The following RIMS1 variants were observed in gnomAD, a reference collection of about 807,000 sequenced individuals.
RIMS1 encodes regulating synaptic membrane exocytosis protein 1.
A neutral mutation model predicts 214.1 loss-of-function variants in RIMS1; 83 were observed. The observed-to-expected ratio is 0.39, with a 90% CI of 0.32 to 0.47. The LOEUF (loss-of-function observed/expected upper bound fraction) is 0.47, where lower values mean the gene tolerates loss of function less well. RIMS1 is among the 20% of genes least tolerant of loss of function. The pLI, the probability that RIMS1 is intolerant of heterozygous loss-of-function variation, is 0.99. For synonymous variants in RIMS1, 793 were observed against 786.8 expected, an observed-to-expected ratio of 1.01 and a Z score of -0.13; for missense variants, 2,050 against 2,161.8, an observed-to-expected ratio of 0.95 and a Z score of 1.03.
chr6:72,205,713 CAA>C (rs1331851016), intron 6 of RIMS1, among the ~76,000 whole-genome samples: 2 of 152,206 alleles, frequency 1.3e-5, no homozygotes, highest in East Asian at 1.9e-4. Flanking sequence ...GATTGCATCA[CAA>C]AGAGTATCTT....
In RIMS1 at chr6:72,273,025, T is replaced by C. The variant is rs192279931; in HGVS notation, c.3399-1324T>C. Reference sequence around the variant, plus strand: ...CTTTAAGAGTATGTTCCACACATTTTTATCTTCTGCTCAAAATCTGCTATT... The same window carrying C: ...CTTTAAGAGTATGTTCCACACATTTCTATCTTCTGCTCAAAATCTGCTATT... On this transcript the variant is annotated intron_variant, in intron 22 of 33. Transcript: ENST00000521978. Among the ~76,000 whole-genome samples the C allele has an allele frequency of 3.6e-4, 55 of 152,294 alleles. No individual in the cohort carries two copies. In the Middle Eastern group the frequency reaches 0.017, roughly 47 times the overall value.
At chr6:72,119,619 A>G (rs1462639391) in intron 4 of RIMS1, among the ~76,000 whole-genome samples, 1 of 151,852 alleles carries the variant, frequency 6.6e-6, no homozygotes, top group Non-Finnish European at 1.5e-5. Flanking sequence ...GGAACACAAT[A>G]GAGAATCAAG....
intron 28 of RIMS1, among the ~76,000 whole-genome samples, chr6:72,326,948 C>T (rs1425763522): frequency 6.6e-6 from 1 of 151,618 alleles, no homozygotes; most frequent in Non-Finnish European, 1.5e-5. Context: ...ATGCAACCAG[C>T]CATTGTTCCC....
chr6:72,247,919 A>C (rs2070982175), intron 11 of RIMS1, 96 bp from the exon 12 acceptor site: 3 of 784,682 alleles, frequency 3.8e-6, no homozygotes, highest in East Asian at 5.3e-5. Flanking sequence ...CAGTGATAGT[A>C]ATTATGGTTT....
chr6:72,289,226 G>A (rs569487144), intron 24 of RIMS1, among the ~76,000 whole-genome samples: 44 of 152,176 alleles, frequency 2.9e-4, no homozygotes, highest in South Asian at 1.2e-3. Context: ...TTCCATTTGC[G>A]AGCCACGTTT....
At chr6:71,966,782 C>T (rs1206842068) in intron 1 of RIMS1, among the ~76,000 whole-genome samples, 3 of 152,124 alleles carry the variant, frequency 2.0e-5, no homozygotes, top group Non-Finnish European at 2.9e-5. Flanking sequence ...CTCAGCCTTC[C>T]GAAGTGCTGG....
intron 29 of RIMS1, among the ~76,000 whole-genome samples, chr6:72,372,564 A>G (rs2098251241): frequency 6.6e-6 from 1 of 152,210 alleles, no homozygotes; most frequent in South Asian, 2.1e-4. Flanking sequence ...GCCAAAATCA[A>G]TTTACCAAGA....
At chr6:72,203,278 C>T (rs1034024885) in intron 6 of RIMS1, among the ~76,000 whole-genome samples, 35 of 152,106 alleles carry the variant, frequency 2.3e-4, no homozygotes, top group Admixed American at 1.2e-3. Context: ...TGAGCCACCG[C>T]GCCTGGCCCC....
chr6:72,162,189 A>G (rs1249640315), intron 4 of RIMS1, among the ~76,000 whole-genome samples: 1 of 140,492 alleles, frequency 7.1e-6, no homozygotes, highest in Non-Finnish European at 1.6e-5. Flanking sequence ...AGTCTGTTTT[A>G]TCAGAGACCA....
chr6:72,093,217 T>C (rs894006816), intron 2 of RIMS1, among the ~76,000 whole-genome samples: 6 of 147,440 alleles, frequency 4.1e-5, no homozygotes, highest in Admixed American at 2.1e-4. Context: ...TGAGTATATA[T>C]ATATATATAT....
At chr6:72,366,041 G>C (rs1289539760) in intron 29 of RIMS1, among the ~76,000 whole-genome samples, 1 of 152,110 alleles carries the variant, frequency 6.6e-6, no homozygotes, top group Non-Finnish European at 1.5e-5. Flanking sequence ...TTATGATAAG[G>C]GTTAATGGAA....
chr6:72,330,251 G>A (rs890330959), intron 28 of RIMS1, among the ~76,000 whole-genome samples: 13 of 151,788 alleles, frequency 8.6e-5, no homozygotes, highest in African/African-American at 3.1e-4. Context: ...GGAGTTATTA[G>A]CGACTGATAA....
intron 29 of RIMS1, among the ~76,000 whole-genome samples, chr6:72,382,632 C>T (rs149394335): frequency 6.8e-4 from 104 of 152,250 alleles, no homozygotes; most frequent in African/African-American, 2.4e-3. Flanking sequence ...ACCCTGAGGG[C>T]CTTAGATAAA....
At chr6:72,197,714 A>T (rs1274843914) in intron 6 of RIMS1, among the ~76,000 whole-genome samples, 1 of 152,076 alleles carries the variant, frequency 6.6e-6, no homozygotes, top group Non-Finnish European at 1.5e-5. Flanking sequence ...GAAATAAAAT[A>T]ACCTGATCTT....
At chr6:72,338,039 C>T (rs570753796) in intron 29 of RIMS1, among the ~76,000 whole-genome samples, 21 of 151,568 alleles carry the variant, frequency 1.4e-4, no homozygotes, top group Admixed American at 1.1e-3. Flanking sequence ...TGAATAGTGC[C>T]GCAATAAACA....
chr6:72,098,217 T>C (rs1279196426), intron 3 of RIMS1, among the ~76,000 whole-genome samples: 3 of 152,200 alleles, frequency 2.0e-5, no homozygotes, highest in Admixed American at 2.0e-4. Context: ...TTTAGTAGTC[T>C]AGTTGAGTTA....
At chr6:72,102,591 T>C (rs1283568785) in intron 4 of RIMS1, among the ~76,000 whole-genome samples, 2 of 152,140 alleles carry the variant, frequency 1.3e-5, no homozygotes, top group South Asian at 2.1e-4. Flanking sequence ...TATGCTTTTA[T>C]AGAAAGGCTT....
intron 29 of RIMS1, among the ~76,000 whole-genome samples, chr6:72,377,744 A>T (rs1352400277): frequency 6.6e-6 from 1 of 152,214 alleles, no homozygotes; most frequent in Non-Finnish European, 1.5e-5. Flanking sequence ...TTAGGAAATC[A>T]TGGCCAATCC....
At chr6:72,007,569 A>G (rs1198195509) in intron 2 of RIMS1, among the ~76,000 whole-genome samples, 1 of 152,166 alleles carries the variant, frequency 6.6e-6, no homozygotes, top group Non-Finnish European at 1.5e-5. Flanking sequence ...GAAGTTAAAA[A>G]CCTTGAAAAC....
Sources: allele counts gnomAD v4.1 joint callset (sites outside exome capture counted in the v4.1 genomes callset), GRCh38; gene constraint gnomAD v4.1.1; transcripts MANE v1.5; gene names NCBI Gene and HGNC (gene_info 2026-07-23, HGNC 2026-07-21).